The following SYN1 variants were observed in gnomAD, a reference collection of about 807,000 sequenced individuals.
SYN1 encodes synapsin I.
In SYN1, 8 loss-of-function variants were observed where a neutral mutation model predicts 44.6. That is an observed-to-expected ratio of 0.18 (90% confidence interval 0.11 to 0.32). The LOEUF is 0.32. Among genes scored for constraint, SYN1 ranks in the 10% least tolerant of loss-of-function variants. The probability of loss-of-function intolerance (pLI) is 1.00; values close to 1 mark genes in which losing one functional copy is unlikely to be tolerated. For synonymous variants in SYN1, 275 were observed against 280.1 expected, an observed-to-expected ratio of 0.98 and a Z score of 0.18; for missense variants, 451 against 639.4, an observed-to-expected ratio of 0.71 and a Z score of 3.18.
At chrX:47,597,397 A>T (rs1323934008) in intron 5 of SYN1, among the ~76,000 whole-genome samples, 1 of 110,543 alleles carries the variant, frequency 9.0e-6, no homozygotes, top group Non-Finnish European at 1.9e-5. Flanking sequence ...TGAAAAATTC[A>T]CTAGAGGGGA....
At chrX:47,596,998 T>C (rs1208570552) in intron 5 of SYN1, among the ~76,000 whole-genome samples, 3 of 111,919 alleles carry the variant, frequency 2.7e-5, no homozygotes, top group Non-Finnish European at 5.6e-5. Flanking sequence ...TAAAATGATA[T>C]CCTAATAAGT....
Position 47,574,478 on chromosome X carries a change from G to A in SYN1, c.1506C>T (p.Ser502=). The change falls in exon 12 of 13, where the codon AGC becomes AGT. Residue 502 remains serine (S), a synonymous_variant. Coordinates refer to ENST00000295987, the MANE Select transcript of SYN1 (RefSeq NM_006950.3). ...GACTTGGAAGGCGCTGGGGCAGGGG[G>A]CTGCCAGCTGGGGGTCCAAGGCCTG... is the stretch of plus-strand genomic sequence containing the variant. The part of the protein sequence containing the change: ...HLSGLGPPAG[S]PLPQRLPSPT... 9.3e-7 allele frequency: 1 copy of A among 1,075,323 alleles called. No individual in the cohort carries two copies. Among genetic ancestry groups the A allele is most frequent in the Non-Finnish European group, 1.2e-6 (1 of 834,817 alleles). 88.6% of individuals were successfully genotyped at this position (1,075,323 alleles called of 1,213,427 possible).
chrX:47,606,751 A>ATATATATT (rs1345170011), intron 3 of SYN1, among the ~76,000 whole-genome samples, 194 bp downstream of exon 3: 1 of 93,255 alleles, frequency 1.1e-5, no homozygotes, highest in African/African-American at 4.0e-5. Flanking sequence ...ATATATATAT[A>ATATATATT]TTTTTTTTTA....
chrX:47,590,415 C>A (rs1007999892), intron 5 of SYN1, among the ~76,000 whole-genome samples: 2 of 111,746 alleles, frequency 1.8e-5, no homozygotes, highest in African/African-American at 6.5e-5. Context: ...ATTCTCCCCA[C>A]GAAGAACCCC....
chrX:47,616,354 A>C (rs1603076959), intron 1 of SYN1, among the ~76,000 whole-genome samples: 1 of 112,108 alleles, frequency 8.9e-6, no homozygotes, highest in East Asian at 2.8e-4. Context: ...GCAGGTGCTC[A>C]ATAAATGTTT....
At chrX:47,580,350 G>T (rs1324294217) in intron 5 of SYN1, among the ~76,000 whole-genome samples, 6 of 109,122 alleles carry the variant, frequency 5.5e-5, no homozygotes, top group Admixed American at 2.9e-4. Flanking sequence ...ATAGATTTAG[G>T]CTGGGTGCCG....
chrX:47,613,479 T>C (rs1264616047), intron 1 of SYN1, among the ~76,000 whole-genome samples: 3 of 111,640 alleles, frequency 2.7e-5, no homozygotes, highest in African/African-American at 9.8e-5. Context: ...GCTGATTAGA[T>C]TGGGCCCCTT....
At chrX:47,607,289 T>A in intron 1 of SYN1, 91 bp from the exon 2 acceptor site, 1 of 818,401 alleles carries the variant, frequency 1.2e-6, no homozygotes, top group Non-Finnish European at 1.8e-6. Context: ...CCTTCAATGC[T>A]ACTAAAGAAA....
At chrX:47,582,538 C>T (rs749628257) in intron 5 of SYN1, 3 of 349,374 alleles carry the variant, frequency 8.6e-6, no homozygotes, top group Non-Finnish European at 1.7e-5. Flanking sequence ...GTGCTGGCCA[C>T]CAGGCCCGTG....
intron 1 of SYN1, among the ~76,000 whole-genome samples, chrX:47,608,444 T>C (rs2057906719): frequency 8.9e-6 from 1 of 112,106 alleles, no homozygotes; most frequent in Non-Finnish European, 1.9e-5. Context: ...TCTCTGGCCC[T>C]TTCGCAAGGA....
intron 9 of SYN1, among the ~76,000 whole-genome samples, chrX:47,575,656 T>C (rs949968738): frequency 1.8e-5 from 2 of 112,646 alleles, no homozygotes; most frequent in Non-Finnish European, 3.8e-5. Context: ...GCCACACTTA[T>C]TTTTTTAACA....
chrX:47,572,617 A>G lies in SYN1; in HGVS notation c.*247T>C. Reference sequence around the variant, plus strand: ...AGGAATGTGGAGGTTCTAAAACAGAAGTAGATCCTGAAGTGACCACGAGTG... The same window carrying G: ...AGGAATGTGGAGGTTCTAAAACAGAGGTAGATCCTGAAGTGACCACGAGTG... On this transcript the variant is annotated 3_prime_UTR_variant, in exon 13 of 13. Transcript: ENST00000295987. The G allele has an allele frequency of 2.7e-6, 1 of 372,806 alleles. No individual in the cohort carries two copies. Among genetic ancestry groups the G allele is most frequent in the Non-Finnish European group, 4.7e-6 (1 of 213,068 alleles). The allele number at this position is 372,806 out of a possible 1,213,427, so 30.7% of individuals were successfully genotyped here.
intron 1 of SYN1, among the ~76,000 whole-genome samples, chrX:47,614,534 G>A (rs917151661): frequency 8.9e-6 from 1 of 112,065 alleles, no homozygotes; most frequent in Non-Finnish European, 1.9e-5. Flanking sequence ...AAGTGTCCCT[G>A]AGAAAACAAG....
chrX:47,573,991 G>A lies in SYN1; in HGVS notation c.1982+11C>T. 8.9e-7 allele frequency: 1 copy of A among 1,128,937 alleles called. No individual in the cohort carries two copies. Among genetic ancestry groups the A allele is most frequent in the Non-Finnish European group, 1.2e-6 (1 of 859,724 alleles). 93.0% of individuals were successfully genotyped at this position (1,128,937 alleles called of 1,213,427 possible). A position where few individuals can be genotyped will look rare whatever the true frequency, so the allele number is the denominator to read the frequency against. On this transcript the variant is annotated intron_variant, in intron 12 of 12. Coordinates refer to ENST00000295987, the MANE Select transcript of SYN1 (RefSeq NM_006950.3). ...GCAGCAAGGCGAAGGCTGCTGTAGG[G>A]GTCCCCTTACTTGAGCTGGGGGTGC...
At position 47,618,455 on chromosome X, in the gene SYN1, T is replaced by G. The variant is rs1045070265; in HGVS notation, c.377+897A>C. On this transcript the variant is annotated intron_variant, in intron 1 of 12. Coordinates refer to ENST00000295987, the MANE Select transcript of SYN1 (RefSeq NM_006950.3). ...AACGGGGGATACAAGAGGCACTCAA[T>G]AAATGTTTTCTAGATCCACTGTAGG... Among the ~76,000 whole-genome samples the G allele has an allele frequency of 2.7e-5, 3 of 111,909 alleles. No individual in the cohort carries two copies. The East Asian group carries it at 8.4e-4, about 31-fold the overall frequency.
At chrX:47,578,882 C>A (rs1178831716) in intron 5 of SYN1, among the ~76,000 whole-genome samples, 2 of 111,607 alleles carry the variant, frequency 1.8e-5, no homozygotes, top group Non-Finnish European at 3.8e-5. Flanking sequence ...GCACACCCCC[C>A]CTTCCTCATT....
At chrX:47,606,844 G>T in intron 3 of SYN1, 101 bp downstream of exon 3, 1 of 829,805 alleles carries the variant, frequency 1.2e-6, no homozygotes, top group Non-Finnish European at 1.8e-6. Flanking sequence ...CTAAGTTCTT[G>T]CCCACAGAAG....
In SYN1 at chrX:47,605,041, C is replaced by G; in HGVS notation, c.711G>C (p.Lys237Asn). ...GAGGGAATTCTTCTGTCCCCAGTTTCTTATGCAGTCGAACCATCTGGGCAA... is the reference window on the plus strand; with the variant it reads ...GAGGGAATTCTTCTGTCCCCAGTTTGTTATGCAGTCGAACCATCTGGGCAA... ...WVFAQMVRLH[K>N]KLGTEEFPLI... Residue 237 changes from lysine to asparagine, a missense_variant, in exon 5 of 13, where the codon AAG (lysine) becomes AAC (asparagine). Lys to Asn is a moderately conservative substitution (Grantham distance 94). Around this residue, in one of 3 missense-constraint regions of SYN1, gnomAD observed 315 missense variants for 451.4 expected, o/e 0.70. Coordinates refer to ENST00000295987, the MANE Select transcript of SYN1 (RefSeq NM_006950.3). 8.3e-7 allele frequency: 1 copy of G among 1,211,769 alleles called. No individual in the cohort carries two copies. The highest frequency in any genetic ancestry group is 1.1e-6 in the Non-Finnish European group (1 of 895,445).
chrX:47,604,178 G>C (rs2057889029), intron 5 of SYN1, among the ~76,000 whole-genome samples: 1 of 111,026 alleles, frequency 9.0e-6, no homozygotes, highest in African/African-American at 3.3e-5. Context: ...CGAAGTGTTG[G>C]GATTACAGGC....
Sources: allele counts gnomAD v4.1 joint callset (sites outside exome capture counted in the v4.1 genomes callset), GRCh38; gene constraint gnomAD v4.1.1; regional missense constraint gnomAD v4.1.1; transcripts MANE v1.5; gene names NCBI Gene and HGNC (gene_info 2026-07-23, HGNC 2026-07-21).